ATXN7L2: variants seen among roughly 807,000 people sequenced by gnomAD.
ATXN7L2 encodes ataxin-7-like protein 2.
ATXN7L2 carries 17 observed loss-of-function variants against 59.6 expected under a neutral mutation model. That is an observed-to-expected ratio of 0.29 (90% CI 0.20 to 0.43). The LOEUF is 0.43. Among genes scored for constraint, ATXN7L2 ranks in the 20% least tolerant of loss-of-function variants. ATXN7L2 has a pLI of 1.00. For synonymous variants in ATXN7L2, 378 were observed against 392.5 expected, an observed-to-expected ratio of 0.96 and a Z score of 0.44; for missense variants, 858 against 1,008.9, an observed-to-expected ratio of 0.85 and a Z score of 2.03.
chr1:109,486,690 G>A lies in ATXN7L2; in HGVS notation c.298+80G>A, dbSNP rs1474256042. Reference sequence around the variant, plus strand: ...CTCTGAGGACAGGGTCAGTTGGGAGGTCTCGTAGGGTAATGGAGGGTGGTG... The same window carrying A: ...CTCTGAGGACAGGGTCAGTTGGGAGATCTCGTAGGGTAATGGAGGGTGGTG... On this transcript the variant is annotated intron_variant, in intron 3 of 10. Coordinates refer to ENST00000683729, the MANE Select transcript of ATXN7L2 (RefSeq NM_001350175.2). The surrounding 1 kb of genome is among the most constrained non-coding windows in gnomAD (Gnocchi z 4.3). The A allele has an allele frequency of 8.1e-7, 1 of 1,238,756 alleles. No individual in the cohort carries two copies. The highest frequency in any genetic ancestry group is 2.4e-5 in the East Asian group (1 of 41,534). The allele number at this position is 1,238,756 out of a possible 1,614,324, so 76.7% of individuals were successfully genotyped here.
intron 5 of ATXN7L2, 96 bp downstream of exon 5, chr1:109,487,900 G>C (rs1208656787): frequency 2.1e-6 from 3 of 1,396,608 alleles, no homozygotes; most frequent in Non-Finnish European, 2.9e-6. Flanking sequence ...TCAGGTTTAT[G>C]GGCCTGGCCA....
Position 109,490,106 on chromosome 1 carries a change from C to G in ATXN7L2, c.1310C>G (p.Thr437Ser). 1 of 1,580,406 alleles carries G rather than the reference C, an allele frequency of 6.3e-7. No individual in the cohort carries two copies. The highest frequency in any genetic ancestry group is 8.6e-7 in the Non-Finnish European group (1 of 1,162,868). ...CCACCCCCTGACTGCCATTATGCAACCCGGCCCCCACGGCCACAGGCGGTA... is the reference window on the plus strand; with the variant it reads ...CCACCCCCTGACTGCCATTATGCAAGCCGGCCCCCACGGCCACAGGCGGTA... ...LHPPPDCHYA[T>S]RPPRPQAFCT... The change falls in exon 8 of 11, where the codon ACC becomes AGC. Residue 437 changes from threonine (T) to serine (S), a missense_variant. Coordinates refer to ENST00000683729, the MANE Select transcript of ATXN7L2 (RefSeq NM_001350175.2).
Position 109,487,552 on chromosome 1 carries a change from T to C in ATXN7L2, c.544T>C (p.Ser182Pro), listed in dbSNP as rs1443588616. ...FVPVVNLEKM[S>P]SLPKPDGHGI... is the part of the protein sequence containing the mutation. ...GCCTGTGGTGAATCTGGAGAAGATG[T>C]CCAGTCTCCCGAAGCCTGATGGACA... The change falls in exon 5 of 11, where the codon TCC becomes CCC. Residue 182 changes from serine to proline, a missense_variant. By Grantham distance (74) the Ser-to-Pro change is moderately conservative (BLOSUM62 -1). Transcript: ENST00000683729. 1 of 1,509,782 alleles carries C rather than the reference T, an allele frequency of 6.6e-7. No individual in the cohort carries two copies. Among genetic ancestry groups the C allele is most frequent in the East Asian group, 2.4e-5 (1 of 42,340 alleles). 93.5% of individuals were successfully genotyped at this position (1,509,782 alleles called of 1,614,324 possible).
At chr1:109,487,925 G>A in intron 5 of ATXN7L2, 121 bp downstream of exon 5, 4 of 1,209,728 alleles carry the variant, frequency 3.3e-6, no homozygotes, top group Non-Finnish European at 4.5e-6. Context: ...AGGTTGTAGG[G>A]TATAGGAGCC....
At chr1:109,490,515 G>T (rs543939162) in intron 9 of ATXN7L2, 123 bp downstream of exon 9, 1 of 1,372,754 alleles carries the variant, frequency 7.3e-7, no homozygotes, top group African/African-American at 1.4e-5. Context: ...CTATTTGCCA[G>T]CAGGACCCCA....
In ATXN7L2 at chr1:109,491,422, G is replaced by C; in HGVS notation, c.1955G>C (p.Arg652Thr). The C allele has an allele frequency of 6.2e-7, 1 of 1,614,178 alleles. No individual in the cohort carries two copies. The highest frequency in any genetic ancestry group is 8.5e-7 in the Non-Finnish European group (1 of 1,180,046). ...GGGCTTAATGGGACAATGGGGCCAA[G>C]AGTGAAGCGGGCAGGGCCCCTGGAC... ...SMGLNGTMGP[R>T]VKRAGPLDCR... Residue 652 changes from arginine (R) to threonine (T), a missense_variant, in exon 10 of 11, where the codon AGA becomes ACA. Transcript: ENST00000683729. This position sits in a 1 kb window ranked among gnomAD's most constrained non-coding sequence, Gnocchi z 4.1.
At chr1:109,489,683 C>T (rs1046212283) in intron 7 of ATXN7L2, 2 of 556,962 alleles carry the variant, frequency 3.6e-6, no homozygotes, top group African/African-American at 3.8e-5. Context: ...GCAGATTATC[C>T]CCTGAGGAGG....
At position 109,488,837 on chromosome 1, in the gene ATXN7L2, T is replaced by G; in HGVS notation, c.880-10T>G. The stretch of plus-strand genomic sequence containing the variant: ...CCTACTCCCCAGCTCTCCACTCTGC[T>G]GTATTCTAGATCCACTCAGTACACC... On this transcript the variant is annotated splice_polypyrimidine_tract_variant and intron_variant, in intron 6 of 10. Transcript: ENST00000683729. This position sits in a 1 kb window ranked among gnomAD's most constrained non-coding sequence, Gnocchi z 5.0. 1 of 1,611,632 alleles carries G rather than the reference T, an allele frequency of 6.2e-7. No homozygotes were observed.
In ATXN7L2 at chr1:109,488,784, G is replaced by GCCGT. The variant is rs942375397; in HGVS notation, c.880-60_880-57dup. 9 of 1,553,986 alleles carry GCCGT rather than the reference G, an allele frequency of 5.8e-6. No homozygotes were observed. The Admixed American group carries it at 1.6e-4, about 28-fold the overall frequency. ...CAACTTGCCCGGGCCAAAGCACCCT[G>GCCGT]CCGTCCCTCACCCCTTCTCAGTTCA... On this transcript the variant is annotated intron_variant, in intron 6 of 10. Transcript: ENST00000683729. This position sits in a 1 kb window ranked among gnomAD's most constrained non-coding sequence, Gnocchi z 5.0.
intron 1 of ATXN7L2, chr1:109,485,537 C>T: frequency 1.0e-6 from 1 of 985,482 alleles, no homozygotes; most frequent in Non-Finnish European, 1.2e-6. Flanking sequence ...AAATTGAGTT[C>T]ATGGGGGTGG....
At position 109,483,913 on chromosome 1, in the gene ATXN7L2, C is replaced by A; in HGVS notation, c.-41C>A. 8.6e-7 allele frequency: 1 copy of A among 1,161,236 alleles called. No homozygotes were observed. Among genetic ancestry groups the A allele is most frequent in the Non-Finnish European group, 1.1e-6 (1 of 942,608 alleles). 71.9% of individuals were successfully genotyped at this position (1,161,236 alleles called of 1,614,324 possible). A position where few individuals can be genotyped will look rare whatever the true frequency, so the allele number is the denominator to read the frequency against. Reference sequence around the variant, plus strand: ...CGACGGGGCGAGGGGGAGGGGGCCGCGCGGCGGCGGCGCCAGGGCGGGCGC... The same window carrying A: ...CGACGGGGCGAGGGGGAGGGGGCCGAGCGGCGGCGGCGCCAGGGCGGGCGC... On this transcript the variant is annotated 5_prime_UTR_variant, in exon 1 of 11. Coordinates refer to ENST00000683729, the MANE Select transcript of ATXN7L2 (RefSeq NM_001350175.2).
chr1:109,486,519 C>A lies in ATXN7L2; in HGVS notation c.207C>A (p.Phe69Leu). ...MTLIKEDMSI[F>L]GHCPAHDDFY... ...CTGTCATTGCAGACATGTCCATCTT[C>A]GGGCACTGCCCTGCCCATGATGACT... is the stretch of plus-strand genomic sequence containing the variant. The change falls in exon 3 of 11, where the codon TTC becomes TTA. Residue 69 changes from phenylalanine (F) to leucine (L), a missense_variant. Physicochemically the swap from Phe to Leu is conservative, Grantham distance 22. This residue lies in a region of ATXN7L2 where 29 missense variants were observed against 64.0 expected (regional missense o/e 0.45). Transcript: ENST00000683729. This position sits in a 1 kb window ranked among gnomAD's most constrained non-coding sequence, Gnocchi z 4.3. The A allele has an allele frequency of 1.2e-6, 2 of 1,612,758 alleles. No homozygotes were observed. Among genetic ancestry groups the A allele is most frequent in the African/African-American group, 1.3e-5 (1 of 75,018 alleles).
Position 109,486,087 on chromosome 1 carries a change from C to A in ATXN7L2, c.158C>A (p.Thr53Lys). Residue 53 changes from threonine (T) to lysine (K), a missense_variant, in exon 2 of 11, where the codon ACG becomes AAG. Coordinates refer to ENST00000683729, the MANE Select transcript of ATXN7L2 (RefSeq NM_001350175.2). This position sits in a 1 kb window ranked among gnomAD's most constrained non-coding sequence, Gnocchi z 4.3. ...GAGCTGGAGGAGAGTAGCAAAAACA[C>A]GAAGAAGTTGGATGCCATGACCCTC... The part of the protein sequence containing the change: ...GAELEESSKN[T>K]KKLDAMTLIK... 6.2e-7 allele frequency: 1 copy of A among 1,600,186 alleles called. No homozygotes were observed. The highest frequency in any genetic ancestry group is 8.5e-7 in the Non-Finnish European group (1 of 1,174,696).
Position 109,491,483 on chromosome 1 carries a change from C to A in ATXN7L2, c.2016C>A (p.Val672=). ...CCCCTCATCAGCTCCCCACACCAGTCAAGGCTTCTCAGCTGGAGAACCGGG... is the reference window on the plus strand; with the variant it reads ...CCCCTCATCAGCTCCCCACACCAGTAAAGGCTTCTCAGCTGGAGAACCGGG... ...RGSPHQLPTP[V]KASQLENRGA... Residue 672 remains valine, a synonymous_variant, in exon 10 of 11, where the codon GTC becomes GTA. Transcript: ENST00000683729. This position sits in a 1 kb window ranked among gnomAD's most constrained non-coding sequence, Gnocchi z 4.1. The A allele has an allele frequency of 6.2e-7, 1 of 1,614,000 alleles. No homozygotes were observed. Among genetic ancestry groups the A allele is most frequent in the South Asian group, 1.1e-5 (1 of 91,082 alleles).
intron 10 of ATXN7L2, chr1:109,492,015 C>T (rs1013284428): frequency 6.8e-5 from 80 of 1,181,828 alleles, no homozygotes; most frequent in Non-Finnish European, 8.2e-5. Context: ...TTGGCTGTGA[C>T]CCTCATTCCA....
At position 109,491,010 on chromosome 1, in the gene ATXN7L2, C is replaced by T. The variant is rs191480189; in HGVS notation, c.1543C>T (p.Pro515Ser). ...PLSPSSTGTC[P>S]RLPGPTLRPA... ...GAGCCCATCCTCTACAGGCACCTGC[C>T]CCCGCCTTCCAGGTCCAACCCTGAG... Residue 515 changes from proline (P) to serine (S), a missense_variant, in exon 10 of 11, where the codon CCC (proline) becomes TCC (serine). Physicochemically the swap from Pro to Ser is moderately conservative, Grantham distance 74. Transcript: ENST00000683729. This position sits in a 1 kb window ranked among gnomAD's most constrained non-coding sequence, Gnocchi z 4.1. 8.1e-4 allele frequency: 1,315 copies of T among 1,613,578 alleles called. 4 individuals carry two copies. Among genetic ancestry groups the T allele is most frequent in the Non-Finnish European group, 4.7e-4 (557 of 1,179,896 alleles).
Position 109,488,717 on chromosome 1 carries a change from A to G in ATXN7L2, c.880-130A>G, listed in dbSNP as rs1364203813. On this transcript the variant is annotated intron_variant, in intron 6 of 10. Transcript: ENST00000683729. The surrounding 1 kb of genome is among the most constrained non-coding windows in gnomAD (Gnocchi z 5.0). ...CCATGGGGGAATGAAACAAAGACAC[A>G]TGAACACAGCTGCAAATATGCCCAC... 3.2e-6 allele frequency: 4 copies of G among 1,268,472 alleles called. No homozygotes were observed. The African/African-American group carries it at 4.5e-5, about 14-fold the overall frequency. 78.6% of individuals were successfully genotyped at this position (1,268,472 alleles called of 1,614,324 possible). A position where few individuals can be genotyped will look rare whatever the true frequency, so the allele number is the denominator to read the frequency against.
chr1:109,492,364 G>C (rs1000987062), intron 10 of ATXN7L2, among the ~76,000 whole-genome samples: 1 of 152,182 alleles, frequency 6.6e-6, no homozygotes, highest in Non-Finnish European at 1.5e-5. Context: ...GTGCTCTCCT[G>C]GGTTAGATGT....
Position 109,488,471 on chromosome 1 carries a change from C to A in ATXN7L2, c.879+6C>A, listed in dbSNP as rs779651345. On this transcript the variant is annotated splice_donor_region_variant and intron_variant, in intron 6 of 10. Coordinates refer to ENST00000683729, the MANE Select transcript of ATXN7L2 (RefSeq NM_001350175.2). This position sits in a 1 kb window ranked among gnomAD's most constrained non-coding sequence, Gnocchi z 5.0. ...CCCGCCTGTTGACCTGCAAGGTAAC[C>A]CCCTTCCCACTGCACGGTGAGGGAG... 4 of 1,605,876 alleles carry A rather than the reference C, an allele frequency of 2.5e-6. No individual in the cohort carries two copies. Among genetic ancestry groups the A allele is most frequent in the Non-Finnish European group, 3.4e-6 (4 of 1,174,620 alleles).
Sources: allele counts gnomAD v4.1 joint callset (sites outside exome capture counted in the v4.1 genomes callset), GRCh38; gene constraint gnomAD v4.1.1; regional missense constraint gnomAD v4.1.1; non-coding constraint Gnocchi (gnomAD v3.1); transcripts MANE v1.5; gene names NCBI Gene and HGNC (gene_info 2026-07-23, HGNC 2026-07-21).